Variants in CNTRL observed in about 807,000 individuals in gnomAD.
The protein encoded by CNTRL is centriolin.
CNTRL carries 233 observed loss-of-function variants against 303.7 expected under a neutral mutation model. The ratio of observed to expected loss-of-function variants is 0.77; its 90% CI spans 0.69 to 0.86. The LOEUF (loss-of-function observed/expected upper bound fraction) is 0.86. Among genes scored for constraint, CNTRL ranks in the 40% least tolerant of loss-of-function variants. The pLI is 0.00. For synonymous variants in CNTRL, 900 were observed against 922.2 expected, an observed-to-expected ratio of 0.98 and a Z score of 0.44; for missense variants, 2,524 against 2,650.6, an observed-to-expected ratio of 0.95 and a Z score of 1.05.
chr9:121,152,820 G>A (rs2052355359), intron 26 of CNTRL, 127 bp downstream of exon 26: 12 of 720,274 alleles, frequency 1.7e-5, no homozygotes, highest in Non-Finnish European at 2.7e-5. Flanking sequence ...CTAGCTCAGT[G>A]TGGCTGTTGA....
chr9:121,124,561 T>C (rs910577856), intron 13 of CNTRL, among the ~76,000 whole-genome samples: 51 of 152,300 alleles, frequency 3.3e-4, no homozygotes, highest in African/African-American at 1.2e-3. Flanking sequence ...AAGATCCTGC[T>C]CTCTGTTTTG....
intron 7 of CNTRL, 48 bp downstream of exon 7, chr9:121,098,620 A>G: frequency 8.2e-7 from 1 of 1,218,866 alleles, no homozygotes; most frequent in East Asian, 2.5e-5. Flanking sequence ...GGAGGAATTT[A>G]TTTTCAGAAG....
chr9:121,116,565 TGCCC>T (rs950067186), intron 11 of CNTRL, among the ~76,000 whole-genome samples: 1 of 152,160 alleles, frequency 6.6e-6, no homozygotes, highest in Non-Finnish European at 1.5e-5. Context: ...TCAAGCGATC[TGCCC>T]GTCTTGGCCT....
At chr9:121,105,153 A>C (rs367816395) in intron 7 of CNTRL, among the ~76,000 whole-genome samples, 2 of 152,330 alleles carry the variant, frequency 1.3e-5, no homozygotes, top group East Asian at 3.9e-4. Flanking sequence ...TACCATCTGA[A>C]TACATTCACA....
chr9:121,099,084 A>T (rs2049018585), intron 7 of CNTRL, among the ~76,000 whole-genome samples: 1 of 152,192 alleles, frequency 6.6e-6, no homozygotes, highest in Non-Finnish European at 1.5e-5. Flanking sequence ...CCCAGCACGG[A>T]GTTTGAGATC....
intron 27 of CNTRL, among the ~76,000 whole-genome samples, chr9:121,155,263 T>C (rs2052509071): frequency 6.6e-6 from 1 of 152,244 alleles, no homozygotes; most frequent in African/African-American, 2.4e-5. Context: ...TGGGTTCTGC[T>C]ACCTGTGTTT....
intron 14 of CNTRL, among the ~76,000 whole-genome samples, chr9:121,130,605 G>A (rs1045800950): frequency 6.6e-6 from 1 of 152,050 alleles, no homozygotes; most frequent in African/African-American, 2.4e-5. Context: ...TGATTCTTTT[G>A]AAGGGTTTTT....
chr9:121,088,836 G>A (rs1377861498), intron 3 of CNTRL, among the ~76,000 whole-genome samples: 2 of 152,180 alleles, frequency 1.3e-5, no homozygotes, highest in Non-Finnish European at 2.9e-5. Flanking sequence ...TTGGTTAAGG[G>A]GAGGGAAGAT....
At chr9:121,134,185 C>T (rs972684172) in intron 14 of CNTRL, among the ~76,000 whole-genome samples, 5 of 152,094 alleles carry the variant, frequency 3.3e-5, no homozygotes, top group African/African-American at 1.2e-4. Context: ...ATAACATCAT[C>T]CCTTCAACAC....
At chr9:121,126,982 G>A (rs12237281) in intron 14 of CNTRL, among the ~76,000 whole-genome samples, 12,250 of 151,826 alleles carry the variant, frequency 0.081, 1,161 homozygotes, top group African/African-American at 0.22. Flanking sequence ...CCACCTGCCC[G>A]GCTAATTTTG....
intron 12 of CNTRL, among the ~76,000 whole-genome samples, chr9:121,120,121 T>G (rs1040097936): frequency 5.5e-5 from 6 of 108,810 alleles, no homozygotes; most frequent in African/African-American, 1.3e-4. Flanking sequence ...ATAATAGGGG[T>G]TTTTTTTTTA....
chr9:121,158,009 A>G lies in CNTRL; in HGVS notation c.4664A>G (p.Glu1555Gly), dbSNP rs780513060. The change falls in exon 30 of 44, where the codon GAG becomes GGG. Residue 1555 changes from glutamate (E) to glycine (G), a missense_variant. Physicochemically the swap from Glu to Gly is moderately conservative, Grantham distance 98 (BLOSUM62 -2). Coordinates refer to ENST00000373855, the MANE Select transcript of CNTRL (RefSeq NM_007018.6). ...EELQKLQKDI[E>G]MAERNEDHHL... ...CTTCAGAAACTACAGAAAGACATAG[A>G]GATGGCAGAACGCAATGAGGATCAC... 6.4e-5 allele frequency: 104 copies of G among 1,614,030 alleles called. No homozygotes were observed. Among genetic ancestry groups the G allele is most frequent in the Non-Finnish European group, 2.4e-5 (28 of 1,180,036 alleles).
chr9:121,100,724 G>C (rs187172054), intron 7 of CNTRL, among the ~76,000 whole-genome samples: 38 of 152,270 alleles, frequency 2.5e-4, no homozygotes, highest in African/African-American at 8.7e-4. Context: ...GATCTACCAA[G>C]CAAATGGAAA....
At chr9:121,162,409 G>A (rs2052895763) in intron 34 of CNTRL, 138 bp downstream of exon 34, 2 of 682,642 alleles carry the variant, frequency 2.9e-6, no homozygotes, top group South Asian at 3.6e-5. Context: ...TTTGCCAGTT[G>A]CATTTTTTTG....
intron 43 of CNTRL, among the ~76,000 whole-genome samples, chr9:121,175,792 A>G (rs75415477): frequency 0.018 from 2,716 of 152,284 alleles, 32 homozygotes; most frequent in Non-Finnish European, 0.027. Context: ...AGTTAATTCT[A>G]CTATTCATGT....
chr9:121,104,266 G>A (rs557214704), intron 7 of CNTRL, among the ~76,000 whole-genome samples: 93 of 152,228 alleles, frequency 6.1e-4, no homozygotes, highest in South Asian at 1.2e-3. Context: ...TTTGCAAACT[G>A]TCACAAGGAC....
intron 26 of CNTRL, 54 bp downstream of exon 26, chr9:121,152,747 C>A: frequency 7.6e-7 from 1 of 1,308,456 alleles, no homozygotes; most frequent in Non-Finnish European, 1.1e-6. Flanking sequence ...TTCATTAATG[C>A]TGTCGAACAG....
chr9:121,118,605 TCAGAGTC>T (rs1461954243), intron 12 of CNTRL, 65 bp downstream of exon 12: 8 of 1,325,734 alleles, frequency 6.0e-6, no homozygotes, highest in Non-Finnish European at 8.1e-6. Context: ...ATTGTTAGCA[TCAGAGTC>T]CAGAGTCCTT....
At position 121,107,882 on chromosome 9, in the gene CNTRL, C is replaced by A. The variant is rs2049554664; in HGVS notation, c.889C>A (p.Leu297Ile). The A allele has an allele frequency of 6.2e-7, 1 of 1,608,960 alleles. No individual in the cohort carries two copies. Among genetic ancestry groups the A allele is most frequent in the African/African-American group, 1.3e-5 (1 of 74,520 alleles). ...GCTTAAGAGCAAACAAACAAGGTTCCTTGAGGAAATTAAAAATCAAGATAA... is the reference window on the plus strand; with the variant it reads ...GCTTAAGAGCAAACAAACAAGGTTCATTGAGGAAATTAAAAATCAAGATAA... The part of the protein sequence containing the change: ...EELKSKQTRF[L>I]EEIKNQDKLN... The change falls in exon 8 of 44, where the codon CTT (leucine) becomes ATT (isoleucine). Residue 297 changes from leucine to isoleucine, a missense_variant. Coordinates refer to ENST00000373855, the MANE Select transcript of CNTRL (RefSeq NM_007018.6).
Sources: gnomAD v4.1 joint callset for allele counts (sites outside exome capture counted in the v4.1 genomes callset) on GRCh38, gnomAD v4.1.1 for gene constraint, MANE v1.5 for transcripts, NCBI Gene and HGNC (gene_info 2026-07-23, HGNC 2026-07-21) for gene names.